CLIC2: variants seen among roughly 807,000 people sequenced by gnomAD.
The protein encoded by CLIC2 is CLIC family member 2.
In CLIC2, 9 loss-of-function variants were observed where a neutral mutation model predicts 14.8. The observed-to-expected ratio is 0.61, with a 90% CI of 0.37 to 1.06. The LOEUF (loss-of-function observed/expected upper bound fraction) is 1.06. Ranked by LOEUF, CLIC2 falls within the 50% of genes least tolerant of loss-of-function variation. The pLI is 0.01. For synonymous variants in CLIC2, 61 were observed against 66.3 expected, an observed-to-expected ratio of 0.92 and a Z score of 0.39; for missense variants, 148 against 181.4, an observed-to-expected ratio of 0.82 and a Z score of 1.06.
chrX:155,332,604 G>C (rs1044713240), intron 1 of CLIC2, among the ~76,000 whole-genome samples: 8 of 105,008 alleles, frequency 7.6e-5, no homozygotes, highest in Non-Finnish European at 1.6e-4. Context: ...AAGTTACTTA[G>C]CTGCTCTTTG....
chrX:155,327,406 T>A (rs1259885481), intron 1 of CLIC2, among the ~76,000 whole-genome samples: 1 of 111,510 alleles, frequency 9.0e-6, no homozygotes, highest in Non-Finnish European at 1.9e-5. Context: ...TACACATAAA[T>A]GTTAAAGTGG....
At chrX:155,299,179 T>C (rs2075005758) in intron 1 of CLIC2, 34 bp from the exon 2 acceptor site, 1 of 1,071,684 alleles carries the variant, frequency 9.3e-7, no homozygotes. Flanking sequence ...AGTTCATTTG[T>C]TTGTTCAATA....
intron 1 of CLIC2, among the ~76,000 whole-genome samples, chrX:155,305,097 G>A (rs1400280415): frequency 6.2e-5 from 7 of 112,369 alleles, no homozygotes; most frequent in African/African-American, 2.3e-4. Context: ...TTGAGCTGTG[G>A]TGGGCTCCAC....
Position 155,280,081 on chromosome X carries a change from C to T in CLIC2, c.294-13G>A. The T allele has an allele frequency of 9.3e-7, 1 of 1,075,968 alleles. No individual in the cohort carries two copies. Among genetic ancestry groups the T allele is most frequent in the Non-Finnish European group, 1.3e-6 (1 of 771,786 alleles). The allele number at this position is 1,075,968 out of a possible 1,213,427, so 88.7% of individuals were successfully genotyped here. On this transcript the variant is annotated splice_polypyrimidine_tract_variant and intron_variant, in intron 3 of 5. Transcript: ENST00000369449. ...CAGGTGAGGGTACCTTAAAAAGAAACATGCGTCAACTATCATTTGCACATA... is the reference window on the plus strand; with the variant it reads ...CAGGTGAGGGTACCTTAAAAAGAAATATGCGTCAACTATCATTTGCACATA...
chrX:155,315,145 T>A (rs1413045867), intron 1 of CLIC2, among the ~76,000 whole-genome samples: 1 of 112,068 alleles, frequency 8.9e-6, no homozygotes, highest in African/African-American at 3.2e-5. Flanking sequence ...TAATTGATGT[T>A]CCCAAGGAAG....
At chrX:155,325,504 AG>A (rs1316414350) in intron 1 of CLIC2, among the ~76,000 whole-genome samples, 3 of 109,529 alleles carry the variant, frequency 2.7e-5, no homozygotes, top group East Asian at 5.7e-4. Context: ...AAACTAACAC[AG>A]GAACAGAAAA....
At chrX:155,299,404 T>G (rs2075006893) in intron 1 of CLIC2, among the ~76,000 whole-genome samples, 3 of 111,011 alleles carry the variant, frequency 2.7e-5, no homozygotes, top group Non-Finnish European at 5.7e-5. Flanking sequence ...GATAGACATT[T>G]AAGATATTCC....
chrX:155,292,887 C>T (rs2074979486), intron 3 of CLIC2: 1 of 1,014,766 alleles, frequency 9.9e-7, no homozygotes, highest in Non-Finnish European at 1.4e-6. Flanking sequence ...GACACGTTAT[C>T]CAGGTGCCTC....
At chrX:155,319,508 GGAAT>G (rs1235629921) in intron 1 of CLIC2, among the ~76,000 whole-genome samples, 1 of 112,258 alleles carries the variant, frequency 8.9e-6, no homozygotes, top group Non-Finnish European at 1.9e-5. Flanking sequence ...TGTGCCGTGA[GGAAT>G]GGTGCACTCT....
At chrX:155,281,461 C>A (rs2074919030) in intron 3 of CLIC2, among the ~76,000 whole-genome samples, 1 of 110,506 alleles carries the variant, frequency 9.0e-6, no homozygotes, top group African/African-American at 3.3e-5. Context: ...ATGTGATATA[C>A]CTTAAATATA....
At chrX:155,317,405 A>T (rs1557321180) in intron 1 of CLIC2, among the ~76,000 whole-genome samples, 1 of 112,012 alleles carries the variant, frequency 8.9e-6, no homozygotes, top group East Asian at 2.8e-4. Flanking sequence ...AATACAAAAA[A>T]ATTATTTAAG....
Position 155,292,765 on chromosome X carries a change from G to A in CLIC2, c.293+6020C>T, listed in dbSNP as rs10283985. Reference sequence around the variant, plus strand: ...AGCCTGGGCGACAGAGCGAGACTCCGTCTCAAAACAAACAAACAAACAAAC... The same window carrying A: ...AGCCTGGGCGACAGAGCGAGACTCCATCTCAAAACAAACAAACAAACAAAC... On this transcript the variant is annotated intron_variant, in intron 3 of 5. Coordinates refer to ENST00000369449, the MANE Select transcript of CLIC2 (RefSeq NM_001289.6). 255 of 412,222 alleles carry A rather than the reference G, an allele frequency of 6.2e-4. No individual in the cohort carries two copies. In the African/African-American group the frequency reaches 6.9e-3, roughly 11 times the overall value. 34.0% of individuals were successfully genotyped at this position (412,222 alleles called of 1,213,427 possible). A position where few individuals can be genotyped will look rare whatever the true frequency, so the allele number is the denominator to read the frequency against.
intron 3 of CLIC2, chrX:155,290,529 C>G: frequency 1.7e-6 from 1 of 572,600 alleles, no homozygotes; most frequent in Admixed American, 2.3e-5. Context: ...CCATAGTTGT[C>G]TTTCTACAAT....
intron 1 of CLIC2, among the ~76,000 whole-genome samples, chrX:155,323,481 T>C (rs2075125049): frequency 8.9e-6 from 1 of 111,887 alleles, no homozygotes; most frequent in Non-Finnish European, 1.9e-5. Flanking sequence ...AAATTCAATA[T>C]ACCTTCATGC....
intron 1 of CLIC2, among the ~76,000 whole-genome samples, chrX:155,311,444 A>G (rs2075074084): frequency 9.0e-6 from 1 of 111,324 alleles, no homozygotes; most frequent in African/African-American, 3.3e-5. Flanking sequence ...CAAGTTCCTC[A>G]TCTCCATCTG....
At chrX:155,316,789 T>C (rs926994364) in intron 1 of CLIC2, among the ~76,000 whole-genome samples, 21 of 110,900 alleles carry the variant, frequency 1.9e-4, no homozygotes, top group Non-Finnish European at 2.6e-4. Context: ...TGGAGTCCAA[T>C]GTTTGAGGGT....
intron 1 of CLIC2, among the ~76,000 whole-genome samples, chrX:155,333,121 T>A (rs1173066495): frequency 2.7e-5 from 3 of 112,030 alleles, no homozygotes; most frequent in African/African-American, 9.7e-5. Context: ...AGGTTGATGA[T>A]GTCCTTGGTG....
chrX:155,320,118 G>A (rs1012542787), intron 1 of CLIC2, among the ~76,000 whole-genome samples: 3 of 112,403 alleles, frequency 2.7e-5, no homozygotes, highest in Non-Finnish European at 5.6e-5. Context: ...GGAAGGGGTG[G>A]CTGTGGGTGC....
chrX:155,298,874 G>A lies in CLIC2; in HGVS notation c.204C>T (p.Thr68=). ...TGTTATACACCAGGAACGGAGGATT[G>A]GTACCTGGGGCTAAGTCCTTTAGTT... ...PEELKDLAPG[T]NPPFLVYNKE... Residue 68 remains threonine, a synonymous_variant, in exon 3 of 6, where the codon ACC becomes ACT. Coordinates refer to ENST00000369449, the MANE Select transcript of CLIC2 (RefSeq NM_001289.6). 1 of 1,206,474 alleles carries A rather than the reference G, an allele frequency of 8.3e-7. No homozygotes were observed. Among genetic ancestry groups the A allele is most frequent in the Non-Finnish European group, 1.1e-6 (1 of 890,800 alleles).
Sources: allele counts gnomAD v4.1 joint callset (sites outside exome capture counted in the v4.1 genomes callset), GRCh38; gene constraint gnomAD v4.1.1; transcripts MANE v1.5; gene names NCBI Gene and HGNC (gene_info 2026-07-23, HGNC 2026-07-21).